The following ATP9B variants were observed in gnomAD, a reference collection of about 807,000 sequenced individuals.
ATP9B encodes ATPase phospholipid transporting 9B.
In ATP9B, 110 loss-of-function variants were observed where a neutral mutation model predicts 146.1. That is an observed-to-expected ratio of 0.75 (90% CI 0.65 to 0.88). The LOEUF (loss-of-function observed/expected upper bound fraction) is 0.88, where lower values mean the gene tolerates loss of function less well. ATP9B is among the 40% of genes least tolerant of loss of function. The pLI is 0.00. For missense variants in ATP9B, 1,499 were observed against 1,496.4 expected, an observed-to-expected ratio of 1.00 and a Z score of -0.03; for synonymous variants, 604 against 569.7, an observed-to-expected ratio of 1.06 and a Z score of -0.86.
intron 11 of ATP9B, among the ~76,000 whole-genome samples, chr18:79,245,636 C>T (rs1294207619): frequency 1.4e-5 from 2 of 140,744 alleles, no homozygotes; most frequent in African/African-American, 2.7e-5. Flanking sequence ...GGGAGGGTAC[C>T]GCCCTACTGA....
chr18:79,154,639 T>G, intron 7 of ATP9B, 84 bp downstream of exon 7: 1 of 885,734 alleles, frequency 1.1e-6, no homozygotes, highest in East Asian at 2.8e-5. Flanking sequence ...GAAAAACTGT[T>G]TTCCTTACAT....
intron 6 of ATP9B, among the ~76,000 whole-genome samples, chr18:79,148,808 A>C (rs1242397632): frequency 1.3e-5 from 2 of 152,248 alleles, no homozygotes; most frequent in Non-Finnish European, 2.9e-5. Flanking sequence ...ACATATACAT[A>C]TATGTTGAAA....
At chr18:79,139,695 CTT>C (rs1312052387) in intron 5 of ATP9B, among the ~76,000 whole-genome samples, 1 of 152,174 alleles carries the variant, frequency 6.6e-6, no homozygotes, top group African/African-American at 2.4e-5. Flanking sequence ...CACTTACACT[CTT>C]TTAGTTGTTT....
chr18:79,111,893 TAGG>T (rs919495292), intron 3 of ATP9B, among the ~76,000 whole-genome samples: 12 of 152,300 alleles, frequency 7.9e-5, no homozygotes, highest in Non-Finnish European at 1.5e-4. Flanking sequence ...AATTACCCAG[TAGG>T]AGTTCTATGT....
At chr18:79,345,663 AGATT>A in intron 22 of ATP9B, 91 bp downstream of exon 22, 2 of 1,598,408 alleles carry the variant, frequency 1.3e-6, no homozygotes, top group Non-Finnish European at 1.7e-6. Context: ...CTCTAAAACT[AGATT>A]GATTTCATCT....
chr18:79,339,963 C>A (rs12953770), intron 19 of ATP9B, among the ~76,000 whole-genome samples: 62,101 of 151,978 alleles, frequency 0.41, 12,851 homozygotes, highest in Middle Eastern at 0.54. Context: ...AGTTGAATAA[C>A]GAAGTGTGAT....
At chr18:79,145,162 C>G in intron 6 of ATP9B, 1 of 141,264 alleles carries the variant, frequency 7.1e-6, no homozygotes, top group Admixed American at 7.3e-5. Flanking sequence ...AAGGTGCAGG[C>G]TGCATGTCGG....
rs1377109690 is a variant in ATP9B, at chr18:79,329,162, G to A, written c.1795G>A (p.Glu599Lys). The A allele has an allele frequency of 6.2e-7, 1 of 1,606,706 alleles. No individual in the cohort carries two copies. Among genetic ancestry groups the A allele is most frequent in the Non-Finnish European group, 8.5e-7 (1 of 1,177,566 alleles). Residue 599 changes from glutamate (E) to lysine (K), a missense_variant, in exon 16 of 30, where the codon GAG (glutamate) becomes AAG (lysine). Glu to Lys is a moderately conservative substitution (Grantham distance 56). Transcript: ENST00000426216. ...GTAGGTCGCTCTGGTGCAGTGGACA[G>A]AGAGTGTGGGCCTCACGCTGGTCAG... ...PDEVALVQWT[E>K]SVGLTLVSRD...
At chr18:79,180,483 A>C (rs1474893589) in intron 8 of ATP9B, among the ~76,000 whole-genome samples, 1 of 151,910 alleles carries the variant, frequency 6.6e-6, no homozygotes, top group African/African-American at 2.4e-5. Context: ...CTTCCTTCCC[A>C]TCCTTTGTAT....
chr18:79,340,207 T>C (rs1182451183), intron 19 of ATP9B: 3 of 152,238 alleles, frequency 2.0e-5, no homozygotes, highest in African/African-American at 7.2e-5. Flanking sequence ...ATTAAAGTAG[T>C]GAATATCCCT....
chr18:79,316,861 G>A (rs1403016668), intron 15 of ATP9B, among the ~76,000 whole-genome samples: 10 of 152,258 alleles, frequency 6.6e-5, no homozygotes, highest in Admixed American at 3.9e-4. Flanking sequence ...AAATGAAATC[G>A]GAAGATTATT....
At chr18:79,341,375 ATGTGTG>A (rs1568753736) in intron 19 of ATP9B, among the ~76,000 whole-genome samples, 9 of 124,188 alleles carry the variant, frequency 7.2e-5, no homozygotes, top group African/African-American at 2.5e-4. Flanking sequence ...TTGTGGTTGG[ATGTGTG>A]TAGCGTGACC....
intron 13 of ATP9B, among the ~76,000 whole-genome samples, chr18:79,292,725 G>C (rs774209952): frequency 6.6e-6 from 1 of 151,860 alleles, no homozygotes; most frequent in Non-Finnish European, 1.5e-5. Flanking sequence ...TGGGGGGTGG[G>C]TGAAAGATGT....
chr18:79,204,472 A>G (rs996038514), intron 9 of ATP9B, among the ~76,000 whole-genome samples: 1 of 152,178 alleles, frequency 6.6e-6, no homozygotes, highest in African/African-American at 2.4e-5. Flanking sequence ...TAAACATGCA[A>G]ATTTATATTG....
chr18:79,375,387 G>T lies in ATP9B; in HGVS notation c.3275-7G>T. 1 of 1,607,830 alleles carries T rather than the reference G, an allele frequency of 6.2e-7. No individual in the cohort carries two copies. The highest frequency in any genetic ancestry group is 1.3e-5 in the African/African-American group (1 of 74,778). On this transcript the variant is annotated splice_polypyrimidine_tract_variant and splice_region_variant and intron_variant, in intron 28 of 29. Transcript: ENST00000426216. ...CCTTTATTTTCTTTATTACTGTTTT[G>T]GAACAGGTATAGGCAGAGTGTCTTT... is the stretch of plus-strand genomic sequence containing the variant.
At chr18:79,305,960 AT>A (rs2096618055) in intron 14 of ATP9B, among the ~76,000 whole-genome samples, 1 of 152,248 alleles carries the variant, frequency 6.6e-6, no homozygotes, top group Non-Finnish European at 1.5e-5. Flanking sequence ...GTGAAATTAA[AT>A]TGTACAAGCA....
At chr18:79,212,830 T>G (rs760542463) in intron 10 of ATP9B, among the ~76,000 whole-genome samples, 3 of 152,142 alleles carry the variant, frequency 2.0e-5, no homozygotes, top group Non-Finnish European at 4.4e-5. Flanking sequence ...GGCCTTGCCT[T>G]TCATGAACTT....
At chr18:79,199,357 C>T (rs1312928159) in intron 9 of ATP9B, among the ~76,000 whole-genome samples, 1 of 152,188 alleles carries the variant, frequency 6.6e-6, no homozygotes, top group Non-Finnish European at 1.5e-5. Context: ...TAACACTTAG[C>T]TTAAAACACA....
At chr18:79,157,150 C>T (rs750849220) in intron 7 of ATP9B, among the ~76,000 whole-genome samples, 1 of 151,320 alleles carries the variant, frequency 6.6e-6, no homozygotes, top group African/African-American at 2.4e-5. Context: ...CACTTGAGGT[C>T]AGGAGTTTGA....
Sources: allele counts gnomAD v4.1 joint callset (sites outside exome capture counted in the v4.1 genomes callset), GRCh38; gene constraint gnomAD v4.1.1; transcripts MANE v1.5; gene names NCBI Gene and HGNC (gene_info 2026-07-23, HGNC 2026-07-21).